The following PRMT6 variants were observed in gnomAD, a reference collection of about 807,000 sequenced individuals.
The protein encoded by PRMT6 is protein arginine N-methyltransferase 6.
PRMT6 carries 23 observed loss-of-function variants against 30.5 expected under a neutral mutation model. That is an observed-to-expected ratio of 0.75 (90% confidence interval 0.54 to 1.07). The LOEUF (loss-of-function observed/expected upper bound fraction) is 1.07. Among genes scored for constraint, PRMT6 ranks in the 50% least tolerant of loss-of-function variants. PRMT6 has a pLI of 0.00. For synonymous variants in PRMT6, 265 were observed against 228.0 expected (o/e 1.16, Z -1.46); for missense variants, 528 against 514.3 (o/e 1.03, Z -0.26).
chr1:107,057,713 A>G lies in PRMT6; in HGVS notation c.998A>G (p.Gln333Arg), dbSNP rs1311631560. 1 of 1,614,238 alleles carries G rather than the reference A, an allele frequency of 6.2e-7. No individual in the cohort carries two copies. The highest frequency in any genetic ancestry group is 1.7e-5 in the Admixed American group (1 of 60,028). ...CTGAACGAGCCGGTGCAAGTGGAGC[A>G]AGACACGGACGTTTCAGGAGAGATC... is the stretch of plus-strand genomic sequence containing the variant. Reference protein sequence around the residue: ...LYLNEPVQVEQDTDVSGEITL... With the variant: ...LYLNEPVQVERDTDVSGEITL... Residue 333 changes from glutamine to arginine, a missense_variant, in exon 1 of 1, where the codon CAA becomes CGA. Transcript: ENST00000370078.
In PRMT6 at chr1:107,057,645, G is replaced by A. The variant is rs1359058231; in HGVS notation, c.930G>A (p.Ser310=). 1.2e-6 allele frequency: 2 copies of A among 1,614,076 alleles called. No individual in the cohort carries two copies. Among genetic ancestry groups the A allele is most frequent in the African/African-American group, 2.7e-5 (2 of 74,926 alleles). The change falls in exon 1 of 1, where the codon TCG becomes TCA. Residue 310 remains serine, a synonymous_variant. Transcript: ENST00000370078. ...ESEKPLVLST[S]PFHPATHWKQ... ...AGAAACCCCTGGTGCTGTCCACCTC[G>A]CCTTTTCACCCGGCCACTCACTGGA... is the stretch of plus-strand genomic sequence containing the variant.
In PRMT6 at chr1:107,057,009, C is replaced by T. The variant is rs1651733988; in HGVS notation, c.294C>T (p.Ile98=). Residue 98 remains isoleucine (I), a synonymous_variant, in exon 1 of 1, where the codon ATC becomes ATT. Coordinates refer to ENST00000370078, the MANE Select transcript of PRMT6 (RefSeq NM_018137.3). ...DVGAGTGILS[I]FCAQAGARRV... Reference sequence around the variant, plus strand: ...GCGCGGGCACCGGCATTCTGAGCATCTTCTGTGCCCAGGCCGGGGCCCGGC... The same window carrying T: ...GCGCGGGCACCGGCATTCTGAGCATTTTCTGTGCCCAGGCCGGGGCCCGGC... 2 of 1,613,692 alleles carry T rather than the reference C, an allele frequency of 1.2e-6. No homozygotes were observed. The highest frequency in any genetic ancestry group is 8.5e-7 in the Non-Finnish European group (1 of 1,179,862).
In PRMT6 at chr1:107,058,133, T is replaced by C. The variant is rs1476167737; in HGVS notation, c.*290T>C. ...CAAGCACTTGTATTTCCGTATATTT[T>C]GTTTCGCGGGGGAGTGAGGGGGAAG... is the stretch of plus-strand genomic sequence containing the variant. On this transcript the variant is annotated 3_prime_UTR_variant, in exon 1 of 1. Coordinates refer to ENST00000370078, the MANE Select transcript of PRMT6 (RefSeq NM_018137.3). 4.3e-6 allele frequency: 2 copies of C among 469,138 alleles called. No individual in the cohort carries two copies. The highest frequency in any genetic ancestry group is 8.1e-6 in the Non-Finnish European group (2 of 247,902). 29.1% of individuals were successfully genotyped at this position (469,138 alleles called of 1,614,324 possible). A position where few individuals can be genotyped will look rare whatever the true frequency, so the allele number is the denominator to read the frequency against.
rs746457197 is a variant in PRMT6, at chr1:107,057,073, G to A, written c.358G>A (p.Ala120Thr). 4 of 1,610,138 alleles carry A rather than the reference G, an allele frequency of 2.5e-6. No individual in the cohort carries two copies. The East Asian group carries it at 8.9e-5, about 36-fold the overall frequency. ...AVEASAIWQQAREVVRFNGLE... is the reference protein window; with the variant it reads ...AVEASAIWQQTREVVRFNGLE... ...AGAGGCCAGCGCCATCTGGCAACAGGCCCGGGAGGTGGTGCGGTTCAACGG... is the reference window on the plus strand; with the variant it reads ...AGAGGCCAGCGCCATCTGGCAACAGACCCGGGAGGTGGTGCGGTTCAACGG... The change falls in exon 1 of 1, where the codon GCC (alanine) becomes ACC (threonine). Residue 120 changes from alanine (A) to threonine (T), a missense_variant. By Grantham distance (58) the Ala-to-Thr change is moderately conservative. Coordinates refer to ENST00000370078, the MANE Select transcript of PRMT6 (RefSeq NM_018137.3).
rs534365501 is a variant in PRMT6 at position 107,058,681 on chromosome 1, A to G, written c.*838A>G. The stretch of plus-strand genomic sequence containing the variant: ...TGTAATTCTTATGAAACAGGCTGGT[A>G]GAGGAGGTTTCTGAGCCTAGCCCAA... On this transcript the variant is annotated 3_prime_UTR_variant, in exon 1 of 1. Coordinates refer to ENST00000370078, the MANE Select transcript of PRMT6 (RefSeq NM_018137.3). The G allele has an allele frequency of 8.4e-5, 14 of 167,252 alleles. No individual in the cohort carries two copies. The highest frequency in any genetic ancestry group is 2.9e-4 in the African/African-American group (12 of 41,598). 10.4% of individuals were successfully genotyped at this position (167,252 alleles called of 1,614,324 possible).
rs577540519 is a variant in PRMT6, at chr1:107,059,249, G to A, written c.*1406G>A. On this transcript the variant is annotated 3_prime_UTR_variant, in exon 1 of 1. Coordinates refer to ENST00000370078, the MANE Select transcript of PRMT6 (RefSeq NM_018137.3). ...CATTTATTGTAATTCTGAATTTTCTGCCCTTTTATTCATTGCATATTAAAG... is the reference window on the plus strand; with the variant it reads ...CATTTATTGTAATTCTGAATTTTCTACCCTTTTATTCATTGCATATTAAAG... 8.4e-5 allele frequency: 14 copies of A among 166,644 alleles called. No homozygotes were observed. The highest frequency in any genetic ancestry group is 3.4e-4 in the African/African-American group (14 of 41,522). 10.3% of individuals were successfully genotyped at this position (166,644 alleles called of 1,614,324 possible).
At position 107,059,043 on chromosome 1, in the gene PRMT6, A is replaced by T. The variant is rs181579293; in HGVS notation, c.*1200A>T. The T allele has an allele frequency of 5.0e-3, 841 of 167,198 alleles. 2 individuals are homozygous for T. The highest frequency in any genetic ancestry group is 4.6e-3 in the Non-Finnish European group (315 of 68,098). The allele number at this position is 167,198 out of a possible 1,614,324, so 10.4% of individuals were successfully genotyped here. ...ATTCTCACGTTTTATAGATGAGGTA[A>T]AAAGTCTTGTGTGCTGTGAGTTATA... On this transcript the variant is annotated 3_prime_UTR_variant, in exon 1 of 1. Coordinates refer to ENST00000370078, the MANE Select transcript of PRMT6 (RefSeq NM_018137.3).
chr1:107,057,094 A>G lies in PRMT6; in HGVS notation c.379A>G (p.Asn127Asp), dbSNP rs1486002516. 2 of 1,608,072 alleles carry G rather than the reference A, an allele frequency of 1.2e-6. No individual in the cohort carries two copies. The highest frequency in any genetic ancestry group is 2.7e-5 in the African/African-American group (2 of 74,946). ...WQQAREVVRFNGLEDRVHVLP... is the reference protein window; with the variant it reads ...WQQAREVVRFDGLEDRVHVLP... ...ACAGGCCCGGGAGGTGGTGCGGTTC[A>G]ACGGGCTGGAGGACCGGGTGCACGT... The change falls in exon 1 of 1, where the codon AAC becomes GAC. Residue 127 changes from asparagine (N) to aspartate (D), a missense_variant. Asn to Asp is a conservative substitution (Grantham distance 23). Transcript: ENST00000370078.
Position 107,057,134 on chromosome 1 carries a change from T to G in PRMT6, c.419T>G (p.Val140Gly). Residue 140 changes from valine (V) to glycine (G), a missense_variant, in exon 1 of 1, where the codon GTG becomes GGG. Val to Gly is a moderately radical substitution (Grantham distance 109). Transcript: ENST00000370078. ...CGGGTGCACGTCCTGCCGGGACCAG[T>G]GGAGACTGTAGAGTTGCCGGAACAG... is the stretch of plus-strand genomic sequence containing the variant. ...EDRVHVLPGP[V>G]ETVELPEQVD... is the part of the protein sequence containing the mutation. 1 of 1,607,350 alleles carries G rather than the reference T, an allele frequency of 6.2e-7. No individual in the cohort carries two copies. Among genetic ancestry groups the G allele is most frequent in the African/African-American group, 1.3e-5 (1 of 75,046 alleles).
Position 107,056,900 on chromosome 1 carries a change from CG to C in PRMT6, c.187del (p.Asp63ThrfsTer34). ...SDVSVHEEMI[A>X]DRVRTDAYRL... is the part of the protein sequence containing the mutation. ...GTTTCGGTCCACGAGGAGATGATCG[CG>C]GACCGCGTCCGCACCGATGCCTACC... On this transcript the variant is annotated frameshift_variant, in exon 1 of 1. Coordinates refer to ENST00000370078, the MANE Select transcript of PRMT6 (RefSeq NM_018137.3). LOFTEE classifies it high-confidence loss of function. 6.2e-7 allele frequency: 1 copy of C among 1,612,826 alleles called. No individual in the cohort carries two copies. Among genetic ancestry groups the C allele is most frequent in the South Asian group, 1.1e-5 (1 of 90,930 alleles).
In PRMT6 at chr1:107,057,686, A is replaced by G; in HGVS notation, c.971A>G (p.Tyr324Cys). Residue 324 changes from tyrosine to cysteine, a missense_variant, in exon 1 of 1, where the codon TAC (tyrosine) becomes TGC (cysteine). Tyr to Cys is a radical substitution (Grantham distance 194). Coordinates refer to ENST00000370078, the MANE Select transcript of PRMT6 (RefSeq NM_018137.3). ...PATHWKQALL[Y>C]LNEPVQVEQD... Reference sequence around the variant, plus strand: ...ACTCACTGGAAACAGGCGCTCCTCTACCTGAACGAGCCGGTGCAAGTGGAG... The same window carrying G: ...ACTCACTGGAAACAGGCGCTCCTCTGCCTGAACGAGCCGGTGCAAGTGGAG... 2.5e-6 allele frequency: 4 copies of G among 1,611,378 alleles called. No individual in the cohort carries two copies. Among genetic ancestry groups the G allele is most frequent in the Non-Finnish European group, 2.5e-6 (3 of 1,178,662 alleles).
rs1651749132 is a variant in PRMT6, at chr1:107,057,357, C to T, written c.642C>T (p.His214=). 6.2e-7 allele frequency: 1 copy of T among 1,613,798 alleles called. No individual in the cohort carries two copies. Among genetic ancestry groups the T allele is most frequent in the African/African-American group, 1.3e-5 (1 of 75,074 alleles). Residue 214 remains histidine, a synonymous_variant, in exon 1 of 1, where the codon CAC becomes CAT. Transcript: ENST00000370078. Reference sequence around the variant, plus strand: ...GCTTCTGGAGCCAGGTGAAGCAGCACTATGGTGTGGACATGAGCTGCCTGG... The same window carrying T: ...GCTTCTGGAGCCAGGTGAAGCAGCATTATGGTGTGGACATGAGCTGCCTGG... ...RLGFWSQVKQ[H]YGVDMSCLEG... is the part of the protein sequence containing the mutation.
At position 107,057,788 on chromosome 1, in the gene PRMT6, G is replaced by A. The variant is rs551139697; in HGVS notation, c.1073G>A (p.Arg358His). Residue 358 changes from arginine to histidine, a missense_variant, in exon 1 of 1, where the codon CGC (arginine) becomes CAC (histidine). Coordinates refer to ENST00000370078, the MANE Select transcript of PRMT6 (RefSeq NM_018137.3). ...CCCCGTCGCCTGCGCGTGCTGCTGC[G>A]CTACAAAGTGGGAGACCAGGAGGAG... is the stretch of plus-strand genomic sequence containing the variant. ...DNPRRLRVLL[R>H]YKVGDQEEKT... The A allele has an allele frequency of 1.1e-5, 17 of 1,610,182 alleles. No homozygotes were observed. The South Asian group carries it at 1.3e-4, about 13-fold the overall frequency.
Position 107,057,037 on chromosome 1 carries a change from G to T in PRMT6, c.322G>T (p.Val108Leu). ...IFCAQAGARR[V>L]YAVEASAIWQ... is the part of the protein sequence containing the mutation. ...CTGTGCCCAGGCCGGGGCCCGGCGC[G>T]TGTACGCGGTAGAGGCCAGCGCCAT... is the stretch of plus-strand genomic sequence containing the variant. Residue 108 changes from valine to leucine, a missense_variant, in exon 1 of 1, where the codon GTG becomes TTG. Physicochemically the swap from Val to Leu is conservative, Grantham distance 32. Coordinates refer to ENST00000370078, the MANE Select transcript of PRMT6 (RefSeq NM_018137.3). The T allele has an allele frequency of 6.2e-7, 1 of 1,613,004 alleles. No homozygotes were observed. Among genetic ancestry groups the T allele is most frequent in the East Asian group, 2.2e-5 (1 of 44,872 alleles).
At position 107,057,099 on chromosome 1, in the gene PRMT6, G is replaced by A. The variant is rs1010377387; in HGVS notation, c.384G>A (p.Gly128=). ...QQAREVVRFN[G]LEDRVHVLPG... ...CCCGGGAGGTGGTGCGGTTCAACGG[G>A]CTGGAGGACCGGGTGCACGTCCTGC... Residue 128 remains glycine (G), a synonymous_variant, in exon 1 of 1, where the codon GGG becomes GGA. Coordinates refer to ENST00000370078, the MANE Select transcript of PRMT6 (RefSeq NM_018137.3). 2.5e-6 allele frequency: 4 copies of A among 1,607,810 alleles called. No individual in the cohort carries two copies. The African/African-American group carries it at 4.0e-5, about 16-fold the overall frequency.
At position 107,057,076 on chromosome 1, in the gene PRMT6, C is replaced by A. The variant is rs1228336098; in HGVS notation, c.361C>A (p.Arg121=). The change falls in exon 1 of 1, where the codon CGG becomes AGG. Residue 121 remains arginine, a synonymous_variant. Transcript: ENST00000370078. ...VEASAIWQQA[R]EVVRFNGLED... is the part of the protein sequence containing the mutation. ...GGCCAGCGCCATCTGGCAACAGGCCCGGGAGGTGGTGCGGTTCAACGGGCT... is the reference window on the plus strand; with the variant it reads ...GGCCAGCGCCATCTGGCAACAGGCCAGGGAGGTGGTGCGGTTCAACGGGCT... The A allele has an allele frequency of 1.2e-6, 2 of 1,609,762 alleles. No individual in the cohort carries two copies. Among genetic ancestry groups the A allele is most frequent in the Non-Finnish European group, 1.7e-6 (2 of 1,179,376 alleles).
rs1462417827 is a variant in PRMT6 at position 107,056,966 on chromosome 1, A to G, written c.251A>G (p.Lys84Arg). The change falls in exon 1 of 1, where the codon AAG (lysine) becomes AGG (arginine). Residue 84 changes from lysine to arginine, a missense_variant. By Grantham distance (26) the Lys-to-Arg change is conservative (BLOSUM62 2). Coordinates refer to ENST00000370078, the MANE Select transcript of PRMT6 (RefSeq NM_018137.3). The stretch of plus-strand genomic sequence containing the variant: ...CGGAACTGGGCAGCACTGCGAGGCA[A>G]GACGGTACTGGACGTGGGCGCGGGC... Reference protein sequence around the residue: ...ILRNWAALRGKTVLDVGAGTG... With the variant: ...ILRNWAALRGRTVLDVGAGTG... The G allele has an allele frequency of 6.2e-7, 1 of 1,613,388 alleles. No homozygotes were observed. Among genetic ancestry groups the G allele is most frequent in the African/African-American group, 1.3e-5 (1 of 75,066 alleles).
At position 107,057,741 on chromosome 1, in the gene PRMT6, G is replaced by T; in HGVS notation, c.1026G>T (p.Thr342=). 1 of 1,614,148 alleles carries T rather than the reference G, an allele frequency of 6.2e-7. No homozygotes were observed. The highest frequency in any genetic ancestry group is 1.1e-5 in the South Asian group (1 of 91,082). Residue 342 remains threonine, a synonymous_variant, in exon 1 of 1, where the codon ACG becomes ACT. Coordinates refer to ENST00000370078, the MANE Select transcript of PRMT6 (RefSeq NM_018137.3). ...EQDTDVSGEI[T]LLPSRDNPRR... ...ACACGGACGTTTCAGGAGAGATCAC[G>T]CTGCTGCCCTCCCGGGACAACCCCC...
At position 107,056,773 on chromosome 1, in the gene PRMT6, G is replaced by A. The variant is rs377654934; in HGVS notation, c.58G>A (p.Gly20Arg). 52 of 1,557,152 alleles carry A rather than the reference G, an allele frequency of 3.3e-5. No individual in the cohort carries two copies. In the African/African-American group the frequency reaches 6.8e-4, roughly 20 times the overall value. The change falls in exon 1 of 1, where the codon GGA becomes AGA. Residue 20 changes from glycine to arginine, a missense_variant. Physicochemically the swap from Gly to Arg is moderately radical, Grantham distance 125 (BLOSUM62 -2). Transcript: ENST00000370078. ...GGGGGGCGGCGGCGAAGGAGGGGAG[G>A]GAACTGAAGAGGAAGATGGCGCGGA... ...ESGGGGEGGEGTEEEDGAERE... is the reference protein window; with the variant it reads ...ESGGGGEGGERTEEEDGAERE...
Sources: gnomAD v4.1 joint callset for allele counts on GRCh38, gnomAD v4.1.1 for gene constraint, MANE v1.5 for transcripts, NCBI Gene and HGNC (gene_info 2026-07-23, HGNC 2026-07-21) for gene names.